Variants in FOXP1 observed in about 807,000 individuals in gnomAD.
FOXP1 encodes the protein forkhead box protein P1.
In FOXP1, 15 loss-of-function variants were observed where a neutral mutation model predicts 98.2. That is an observed-to-expected ratio of 0.15 (90% CI 0.10 to 0.24). The LOEUF is 0.24. Among genes scored for constraint, FOXP1 ranks in the 10% least tolerant of loss-of-function variants. The pLI is 1.00. For synonymous variants in FOXP1, 371 were observed against 314.5 expected (o/e 1.18, Z -1.90); for missense variants, 633 against 848.5 (o/e 0.75, Z 3.15).
intron 14 of FOXP1, among the ~76,000 whole-genome samples, chr3:70,987,558 A>G (rs2039949880): frequency 6.6e-6 from 1 of 152,208 alleles, no homozygotes; most frequent in Non-Finnish European, 1.5e-5. Flanking sequence ...AGACTGGACT[A>G]CTACTCCCTG....
intron 3 of FOXP1, among the ~76,000 whole-genome samples, chr3:71,422,125 C>T (rs2108333302): frequency 6.6e-6 from 1 of 152,292 alleles, no homozygotes; most frequent in South Asian, 2.1e-4. Context: ...CATTAACTCA[C>T]CCGCTAGTTT....
chr3:71,348,553 G>GCGCGCGCGCGCGCGCA (rs1553853273), intron 4 of FOXP1, among the ~76,000 whole-genome samples: 2 of 130,638 alleles, frequency 1.5e-5, no homozygotes, highest in African/African-American at 6.3e-5. Context: ...GTGTGTGCGT[G>GCGCGCGCGCGCGCGCA]CGCGCGCGCA....
intron 2 of FOXP1, among the ~76,000 whole-genome samples, chr3:71,526,360 T>C (rs1398902381): frequency 2.6e-5 from 4 of 152,164 alleles, no homozygotes; most frequent in Non-Finnish European, 4.4e-5. Context: ...GTGGACCTTC[T>C]CTGCCAGGGA....
intron 20 of FOXP1, among the ~76,000 whole-genome samples, chr3:70,963,908 G>T (rs13340193): frequency 0.032 from 4,815 of 152,254 alleles, 245 homozygotes; most frequent in African/African-American, 0.11. Context: ...TATTAGCTAG[G>T]CCGCCTTCCT....
At chr3:71,179,266 T>C (rs1003789832) in intron 6 of FOXP1, among the ~76,000 whole-genome samples, 2 of 151,360 alleles carry the variant, frequency 1.3e-5, no homozygotes, top group South Asian at 4.2e-4. Context: ...GTAGCTGGGA[T>C]TACAGGTGCC....
At chr3:71,311,941 C>T (rs1167595267) in intron 4 of FOXP1, among the ~76,000 whole-genome samples, 1 of 152,160 alleles carries the variant, frequency 6.6e-6, no homozygotes, top group South Asian at 2.1e-4. Context: ...TGACCCAAGG[C>T]GAGGCTTCCC....
chr3:71,155,565 G>C (rs907500745), intron 6 of FOXP1, among the ~76,000 whole-genome samples: 2 of 152,178 alleles, frequency 1.3e-5, no homozygotes, highest in Non-Finnish European at 2.9e-5. Flanking sequence ...GGGTAGTACA[G>C]TGGTCACAGC....
chr3:71,237,227 A>G (rs1454770564), intron 5 of FOXP1, among the ~76,000 whole-genome samples: 1 of 94,032 alleles, frequency 1.1e-5, no homozygotes. Flanking sequence ...GCAAGACTCC[A>G]TCTGAAAAAA....
rs142141402 is a variant in FOXP1 at position 71,134,538 on chromosome 3, C to G, written c.181-21901G>C. On this transcript the variant is annotated intron_variant, in intron 6 of 20. Transcript: ENST00000649528. ...TCATATATAGCCAAGGAAATACTGC[C>G]AAACAGAAAATGAAAATGAAACATA... Among the ~76,000 whole-genome samples, 645 of 152,096 alleles carry G rather than the reference C, an allele frequency of 4.2e-3. 5 individuals are homozygous for G. Among genetic ancestry groups the G allele is most frequent in the African/African-American group, 0.015 (625 of 41,464 alleles).
chr3:71,449,021 T>C (rs1054548929), intron 3 of FOXP1, among the ~76,000 whole-genome samples: 3 of 152,224 alleles, frequency 2.0e-5, no homozygotes, highest in Admixed American at 6.5e-5. Flanking sequence ...AACCCCAAAC[T>C]GGTTTTTGGT....
chr3:71,176,525 A>G (rs1334443747), intron 6 of FOXP1, among the ~76,000 whole-genome samples: 1 of 152,118 alleles, frequency 6.6e-6, no homozygotes, highest in Non-Finnish European at 1.5e-5. Flanking sequence ...TGCCTATAGC[A>G]TGCTGCAAAC....
At chr3:71,447,567 T>A (rs935702337) in intron 3 of FOXP1, among the ~76,000 whole-genome samples, 2 of 152,198 alleles carry the variant, frequency 1.3e-5, no homozygotes, top group African/African-American at 4.8e-5. Context: ...GAGGCCTATG[T>A]CCAGTTACCA....
intron 7 of FOXP1, among the ~76,000 whole-genome samples, chr3:71,083,426 C>T (rs149917857): frequency 2.4e-4 from 36 of 152,318 alleles, no homozygotes; most frequent in East Asian, 1.5e-3. Context: ...ATTACCCAGC[C>T]ACAGGTATTT....
intron 6 of FOXP1, among the ~76,000 whole-genome samples, chr3:71,116,991 T>C (rs1037283140): frequency 5.9e-5 from 9 of 152,252 alleles, no homozygotes; most frequent in Admixed American, 3.3e-4. Flanking sequence ...CCATGTTTCC[T>C]GCAGATGATG....
At chr3:71,337,225 G>A (rs1280040382) in intron 4 of FOXP1, among the ~76,000 whole-genome samples, 1 of 152,318 alleles carries the variant, frequency 6.6e-6, no homozygotes, top group South Asian at 2.1e-4. Context: ...CTTGATTTGG[G>A]TGGCAAGGTT....
intron 10 of FOXP1, among the ~76,000 whole-genome samples, chr3:71,045,966 A>C (rs1248753134): frequency 6.6e-6 from 1 of 152,160 alleles, no homozygotes; most frequent in Non-Finnish European, 1.5e-5. Flanking sequence ...AGTTCAAAGA[A>C]CTGCTGCCCT....
chr3:71,121,956 C>A (rs924633009), intron 6 of FOXP1, among the ~76,000 whole-genome samples: 1 of 152,014 alleles, frequency 6.6e-6, no homozygotes, highest in African/African-American at 2.4e-5. Context: ...CTGTTTTTTG[C>A]AATTGCCTTT....
In FOXP1 at chr3:70,956,732, GTTTTTTTTTT is replaced by G. The variant is rs142956636; in HGVS notation, c.*2505_*2514del. The G allele has an allele frequency of 8.3e-3, 271 of 32,758 alleles. 2 individuals carry two copies. Among genetic ancestry groups the G allele is most frequent in the African/African-American group, 0.021 (205 of 9,742 alleles). 2.0% of individuals were successfully genotyped at this position (32,758 alleles called of 1,614,324 possible). A position where few individuals can be genotyped will look rare whatever the true frequency, so the allele number is the denominator to read the frequency against. ...GCACATCATGAAGCTGCCTGGAAAA[GTTTTTTTTTT>G]TTTTTTTTTTTTTTTTTTTTTTTTT... On this transcript the variant is annotated 3_prime_UTR_variant, in exon 21 of 21. Coordinates refer to ENST00000649528, the MANE Select transcript of FOXP1 (RefSeq NM_001349338.3).
At position 71,432,222 on chromosome 3, in the gene FOXP1, G is replaced by C. The variant is rs114378679; in HGVS notation, c.-168+61204C>G. 5.7e-3 allele frequency among the ~76,000 whole-genome samples: 867 copies of C among 152,304 alleles called. 13 individuals carry two copies. The highest frequency in any genetic ancestry group is 0.02 in the African/African-American group (828 of 41,552). ...ACCACTGACGACTGTGGTGTGCATA[G>C]ACTTCTCACGGCTGACCTTGTCGTG... On this transcript the variant is annotated intron_variant, in intron 3 of 20. Transcript: ENST00000649528.
Sources: gnomAD v4.1 joint callset for allele counts (sites outside exome capture counted in the v4.1 genomes callset) on GRCh38, gnomAD v4.1.1 for gene constraint, MANE v1.5 for transcripts, NCBI Gene and HGNC (gene_info 2026-07-23, HGNC 2026-07-21) for gene names.